Variants in PLAC1 observed in about 807,000 individuals in gnomAD.
PLAC1 encodes placenta-specific protein 1.
For missense variants in PLAC1, 136 were observed against 163.2 expected, an observed-to-expected ratio of 0.83 and a Z score of 0.91; for synonymous variants, 68 against 62.1, an observed-to-expected ratio of 1.09 and a Z score of -0.44.
chrX:134,675,004 C>T (rs760593418), intron 2 of PLAC1, among the ~76,000 whole-genome samples: 3 of 112,106 alleles, frequency 2.7e-5, no homozygotes, highest in Non-Finnish European at 5.6e-5. Flanking sequence ...ACAAATGTAA[C>T]CTTTGGGACC....
chrX:134,642,862 AAAAC>A (rs766472586), intron 1 of PLAC1, among the ~76,000 whole-genome samples: 38 of 110,961 alleles, frequency 3.4e-4, no homozygotes, highest in Non-Finnish European at 7.0e-4. Context: ...AAAACGAAAC[AAAAC>A]AAACAAACAA....
chrX:134,570,613 G>A (rs1026726900), intron 2 of PLAC1, among the ~76,000 whole-genome samples: 14 of 111,618 alleles, frequency 1.3e-4, no homozygotes, highest in African/African-American at 4.6e-4. Flanking sequence ...CAACATGCCC[G>A]AAGCAATGAG....
chrX:134,655,362 C>T (rs749869025), intron 1 of PLAC1, among the ~76,000 whole-genome samples: 111 of 106,643 alleles, frequency 1.0e-3, no homozygotes, highest in Middle Eastern at 5.0e-3. Context: ...CACACACACA[C>T]ACATATATTT....
At chrX:134,653,919 C>A (rs762561060) in intron 1 of PLAC1, among the ~76,000 whole-genome samples, 6 of 111,925 alleles carry the variant, frequency 5.4e-5, no homozygotes, top group Non-Finnish European at 9.4e-5. Flanking sequence ...ATTTTTCAGG[C>A]AATTTCAGTT....
chrX:134,658,147 G>C (rs2078401370), intron 1 of PLAC1, among the ~76,000 whole-genome samples, 181 bp downstream of exon 1: 1 of 112,344 alleles, frequency 8.9e-6, no homozygotes, highest in Non-Finnish European at 1.9e-5. Context: ...TTCCCAGCTG[G>C]AGGGCAATAA....
chrX:134,707,886 A>G (rs2078611578), intron 2 of PLAC1, among the ~76,000 whole-genome samples: 1 of 112,195 alleles, frequency 8.9e-6, no homozygotes, highest in African/African-American at 3.2e-5. Flanking sequence ...CTATACTTTA[A>G]CTGGTAAAAT....
At chrX:134,679,177 G>A (rs1289267437) in intron 2 of PLAC1, among the ~76,000 whole-genome samples, 1 of 112,078 alleles carries the variant, frequency 8.9e-6, no homozygotes, top group African/African-American at 3.2e-5. Flanking sequence ...CACTAGGTGT[G>A]CAATATTGTC....
chrX:134,691,232 T>A (rs1194091521), intron 2 of PLAC1, among the ~76,000 whole-genome samples: 3 of 107,409 alleles, frequency 2.8e-5, no homozygotes, highest in African/African-American at 1.0e-4. Context: ...CTATAAAAAT[T>A]TCTTGTACAT....
chrX:134,695,824 C>T (rs1034376278), intron 2 of PLAC1, among the ~76,000 whole-genome samples: 7 of 111,541 alleles, frequency 6.3e-5, no homozygotes, highest in Admixed American at 1.9e-4. Flanking sequence ...AGCACTGATT[C>T]GCAGTCTAAC....
chrX:134,637,411 T>C (rs949485866), intron 1 of PLAC1, among the ~76,000 whole-genome samples: 12 of 112,073 alleles, frequency 1.1e-4, no homozygotes, highest in Non-Finnish European at 1.9e-5. Context: ...CTGTTGTCCA[T>C]TAACCATACT....
At chrX:134,711,205 T>C (rs1184759405) in intron 2 of PLAC1, among the ~76,000 whole-genome samples, 1 of 111,949 alleles carries the variant, frequency 8.9e-6, no homozygotes, top group Non-Finnish European at 1.9e-5. Flanking sequence ...AGTCTTCCCT[T>C]AGGTTGGACA....
chrX:134,588,311 T>C (rs1255229393), intron 2 of PLAC1, among the ~76,000 whole-genome samples: 1 of 103,743 alleles, frequency 9.6e-6, no homozygotes. Context: ...TATTTATTTA[T>C]TTATTTATTT....
intron 1 of PLAC1, among the ~76,000 whole-genome samples, chrX:134,653,600 T>G (rs772897333): frequency 2.2e-4 from 24 of 111,141 alleles, no homozygotes; most frequent in Non-Finnish European, 4.3e-4. Flanking sequence ...CTAGGACACC[T>G]GAAGAGACCA....
chrX:134,671,336 CA>C (rs781511255), intron 2 of PLAC1, among the ~76,000 whole-genome samples: 21 of 111,516 alleles, frequency 1.9e-4, no homozygotes, highest in African/African-American at 3.6e-4. Context: ...AAGTGGGGAA[CA>C]GGGGGGAAGG....
intron 2 of PLAC1, among the ~76,000 whole-genome samples, chrX:134,680,535 A>AAACTGAACTG (rs1210124123): frequency 1.0e-5 from 1 of 98,738 alleles, no homozygotes; most frequent in Non-Finnish European, 2.0e-5. Flanking sequence ...AAACTGAACT[A>AAACTGAACTG]AACTAAACTG....
chrX:134,587,437 C>T (rs1240253542), intron 2 of PLAC1, among the ~76,000 whole-genome samples: 2 of 108,330 alleles, frequency 1.8e-5, no homozygotes, highest in East Asian at 2.8e-4. Context: ...AAAAAATAGC[C>T]GGTCATGGTT....
At chrX:134,695,693 T>C (rs970165813) in intron 2 of PLAC1, among the ~76,000 whole-genome samples, 2 of 112,511 alleles carry the variant, frequency 1.8e-5, no homozygotes, top group African/African-American at 6.5e-5. Context: ...TTACTTTTCA[T>C]GGGAATATGT....
At chrX:134,757,479 G>A (rs1001410468) in intron 1 of PLAC1, among the ~76,000 whole-genome samples, 2 of 112,302 alleles carry the variant, frequency 1.8e-5, no homozygotes, top group African/African-American at 6.5e-5. Context: ...GATGAAAAAA[G>A]TGGGAAACTT....
intron 1 of PLAC1, among the ~76,000 whole-genome samples, chrX:134,630,001 C>T (rs1226582715): frequency 2.6e-5 from 2 of 77,145 alleles, no homozygotes; most frequent in Non-Finnish European, 4.6e-5. Context: ...GACAGAGTTT[C>T]GCTCTTGTTG....
Sources: allele counts gnomAD v4.1 joint callset (sites outside exome capture counted in the v4.1 genomes callset), GRCh38; gene constraint gnomAD v4.1.1; transcripts MANE v1.5; gene names NCBI Gene and HGNC (gene_info 2026-07-23, HGNC 2026-07-21).